Variants in PHF21B observed in about 807,000 individuals in gnomAD.
The protein encoded by PHF21B is PHD finger protein 21B.
A neutral mutation model predicts 62.2 loss-of-function variants in PHF21B; 22 were observed. The ratio of observed to expected loss-of-function variants is 0.35; its 90% CI spans 0.25 to 0.51. The LOEUF is 0.51. PHF21B is among the 20% of genes least tolerant of loss of function. The probability of loss-of-function intolerance (pLI) is 0.97; values close to 1 mark genes in which losing one functional copy is unlikely to be tolerated. For missense variants in PHF21B, 701 were observed against 707.9 expected (o/e 0.99, Z 0.11); for synonymous variants, 341 against 314.7 (o/e 1.08, Z -0.88).
intron 7 of PHF21B, 25 bp downstream of exon 7, chr22:44,893,432 G>T (rs1404139052): frequency 6.3e-7 from 1 of 1,577,986 alleles, no homozygotes; most frequent in South Asian, 1.2e-5. Context: ...CCCTCCTGGT[G>T]GCATGGGGCT....
intron 12 of PHF21B, 86 bp downstream of exon 12, chr22:44,885,340 G>T: frequency 7.8e-7 from 1 of 1,276,610 alleles, no homozygotes; most frequent in Non-Finnish European, 1.1e-6. Flanking sequence ...CTACACCTGT[G>T]GTTCTAAGGA....
chr22:44,903,755 TGTTAA>T (rs1293100123), intron 5 of PHF21B, among the ~76,000 whole-genome samples: 3 of 152,238 alleles, frequency 2.0e-5, no homozygotes, highest in South Asian at 4.1e-4. Context: ...AGTTCGTGAC[TGTTAA>T]ATTATCTTGA....
intron 2 of PHF21B, among the ~76,000 whole-genome samples, chr22:45,007,757 G>A (rs2073350920): frequency 6.8e-6 from 1 of 146,136 alleles, no homozygotes; most frequent in Non-Finnish European, 1.5e-5. Flanking sequence ...GGCGGGGGAG[G>A]GGCAGCGGAG....
At chr22:44,965,795 C>T (rs540608174) in intron 2 of PHF21B, among the ~76,000 whole-genome samples, 4 of 152,290 alleles carry the variant, frequency 2.6e-5, no homozygotes, top group East Asian at 1.9e-4. Flanking sequence ...ATGGGGCGGA[C>T]GGGGCCATCC....
intron 2 of PHF21B, among the ~76,000 whole-genome samples, chr22:44,938,046 T>C (rs6007393): frequency 0.6 from 91,335 of 152,212 alleles, 29,431 homozygotes; most frequent in Admixed American, 0.71. Context: ...AATTTCAATG[T>C]ATGCAAATTT....
At chr22:44,927,643 C>T (rs1030187686) in intron 2 of PHF21B, among the ~76,000 whole-genome samples, 3 of 152,194 alleles carry the variant, frequency 2.0e-5, no homozygotes, top group South Asian at 4.1e-4. Flanking sequence ...CCAATCTCTA[C>T]GTGTTTTCTT....
At chr22:44,886,421 G>C (rs1182180697) in intron 10 of PHF21B, among the ~76,000 whole-genome samples, 1 of 91,140 alleles carries the variant, frequency 1.1e-5, no homozygotes, top group Non-Finnish European at 2.2e-5. Context: ...AAAAAAAAAA[G>C]CTGGGCATTA....
At chr22:45,000,592 T>A (rs2073197854) in intron 2 of PHF21B, 1 of 152,126 alleles carries the variant, frequency 6.6e-6, no homozygotes, top group African/African-American at 2.4e-5. Context: ...ATTGAAAAAA[T>A]TCAAAGTTAA....
At chr22:44,926,251 G>T (rs540431146) in intron 2 of PHF21B, among the ~76,000 whole-genome samples, 2 of 152,314 alleles carry the variant, frequency 1.3e-5, no homozygotes, top group South Asian at 2.1e-4. Flanking sequence ...AGCAGGTTCT[G>T]TGGCGGGAAG....
At chr22:44,920,199 C>G (rs1398985291) in intron 3 of PHF21B, among the ~76,000 whole-genome samples, 199 bp downstream of exon 3, 1 of 152,226 alleles carries the variant, frequency 6.6e-6, no homozygotes, top group Non-Finnish European at 1.5e-5. Flanking sequence ...TTTCCCAATT[C>G]CTTGCTGAAG....
At chr22:44,896,535 C>T (rs2071060267) in intron 5 of PHF21B, among the ~76,000 whole-genome samples, 1 of 152,174 alleles carries the variant, frequency 6.6e-6, no homozygotes, top group Admixed American at 6.5e-5. Flanking sequence ...AAGGTGCACA[C>T]AGCTGGGCTA....
chr22:44,927,893 G>A (rs887869123), intron 2 of PHF21B, among the ~76,000 whole-genome samples: 10 of 152,098 alleles, frequency 6.6e-5, no homozygotes, highest in South Asian at 4.1e-4. Flanking sequence ...TTAATAGGGG[G>A]TAAAAAACGG....
At chr22:44,951,382 T>C (rs548057113) in intron 2 of PHF21B, among the ~76,000 whole-genome samples, 1 of 152,282 alleles carries the variant, frequency 6.6e-6, no homozygotes, top group South Asian at 2.1e-4. Flanking sequence ...CTCGGGGTAA[T>C]GCGAGCAATG....
intron 2 of PHF21B, among the ~76,000 whole-genome samples, chr22:44,970,629 G>A (rs942490815): frequency 6.6e-6 from 1 of 152,204 alleles, no homozygotes; most frequent in African/African-American, 2.4e-5. Context: ...CCTGGGTTCA[G>A]GGTCAAGGTG....
At chr22:44,967,258 T>A (rs2072546729) in intron 2 of PHF21B, 1 of 145,030 alleles carries the variant, frequency 6.9e-6, no homozygotes, top group Non-Finnish European at 1.5e-5. Flanking sequence ...TCTTGCTCTG[T>A]GGCCAAGGCT....
intron 2 of PHF21B, among the ~76,000 whole-genome samples, chr22:44,985,743 G>C (rs1321309902): frequency 2.0e-5 from 3 of 152,154 alleles, no homozygotes; most frequent in Admixed American, 6.5e-5. Flanking sequence ...ACTCACCATA[G>C]GAGGTGGTCA....
intron 7 of PHF21B, among the ~76,000 whole-genome samples, chr22:44,892,422 C>G (rs990444820): frequency 6.6e-6 from 1 of 152,248 alleles, no homozygotes; most frequent in Non-Finnish European, 1.5e-5. Flanking sequence ...GAGCCTGGAA[C>G]TGGCTGCCGC....
intron 2 of PHF21B, among the ~76,000 whole-genome samples, chr22:44,965,632 G>T (rs551913387): frequency 3.9e-5 from 6 of 152,178 alleles, no homozygotes; most frequent in Non-Finnish European, 8.8e-5. Context: ...CGGCCCCCCA[G>T]GTGTTCTGGC....
intron 5 of PHF21B, among the ~76,000 whole-genome samples, chr22:44,901,057 A>C (rs2071150516): frequency 6.6e-6 from 1 of 152,254 alleles, no homozygotes; most frequent in African/African-American, 2.4e-5. Context: ...ATGTGCACTC[A>C]CATAGGTGGA....
Sources: gnomAD v4.1 joint callset for allele counts (sites outside exome capture counted in the v4.1 genomes callset) on GRCh38, gnomAD v4.1.1 for gene constraint, MANE v1.5 for transcripts, NCBI Gene and HGNC (gene_info 2026-07-23, HGNC 2026-07-21) for gene names.